The following PCDHGA7 variants were observed in gnomAD, a reference collection of about 807,000 sequenced individuals.
PCDHGA7 encodes protocadherin gamma-A7.
Under a neutral mutation model 58.3 loss-of-function variants are expected in PCDHGA7, and 44 were observed. The ratio of observed to expected loss-of-function variants is 0.75; its 90% CI spans 0.59 to 0.97. The LOEUF is 0.97. PCDHGA7 is among the 50% of genes least tolerant of loss of function. The probability of loss-of-function intolerance (pLI) is 0.00; values close to 1 mark genes in which losing one functional copy is unlikely to be tolerated. For missense variants in PCDHGA7, 1,266 were observed against 1,188.7 expected (o/e 1.06, Z -0.96); for synonymous variants, 516 against 504.2 (o/e 1.02, Z -0.31).
chr5:141,407,425 CTT>C (rs1307911949), intron 1 of PCDHGA7, among the ~76,000 whole-genome samples: 3 of 151,864 alleles, frequency 2.0e-5, no homozygotes, highest in African/African-American at 4.8e-5. Context: ...AAAAATGTCT[CTT>C]GCCCTTAAAA....
At chr5:141,433,298 A>G in intron 1 of PCDHGA7, 7 of 1,015,894 alleles carry the variant, frequency 6.9e-6, no homozygotes, top group Non-Finnish European at 1.0e-5. Context: ...GGCTCAAGCA[A>G]TTATCCCACC....
At chr5:141,410,636 T>G (rs1050547360) in intron 1 of PCDHGA7, 1 of 1,599,982 alleles carries the variant, frequency 6.3e-7, no homozygotes, top group Admixed American at 1.7e-5. Context: ...TTTCTCTTTT[T>G]TGTGTGTGAT....
chr5:141,382,943 T>G lies in PCDHGA7; in HGVS notation c.44T>G (p.Leu15Arg). ...PRGGDYRGFFLLSILLGTPWE... is the reference protein window; with the variant it reads ...PRGGDYRGFFRLSILLGTPWE... ...GGCGGGGACTACAGAGGATTCTTCC[T>G]GCTCTCCATCCTCCTGGGGACCCCC... The change falls in exon 1 of 4, where the codon CTG becomes CGG. Residue 15 changes from leucine to arginine, a missense_variant. Physicochemically the swap from Leu to Arg is moderately radical, Grantham distance 102. Coordinates refer to ENST00000518325, the MANE Select transcript of PCDHGA7 (RefSeq NM_018920.4). The G allele has an allele frequency of 1.3e-6, 2 of 1,596,184 alleles. No individual in the cohort carries two copies. Among genetic ancestry groups the G allele is most frequent in the African/African-American group, 1.3e-5 (1 of 74,558 alleles).
At chr5:141,460,459 T>A (rs2098989808) in intron 1 of PCDHGA7, among the ~76,000 whole-genome samples, 1 of 152,176 alleles carries the variant, frequency 6.6e-6, no homozygotes, top group South Asian at 2.1e-4. Flanking sequence ...ATTCATATTT[T>A]TTTCCAAAGG....
At chr5:141,400,681 T>C in intron 1 of PCDHGA7, 1 of 834,118 alleles carries the variant, frequency 1.2e-6, no homozygotes, top group Non-Finnish European at 1.9e-6. Flanking sequence ...CAGTAAATTG[T>C]GAGTTTTTAT....
At chr5:141,460,569 T>C (rs1234392082) in intron 1 of PCDHGA7, among the ~76,000 whole-genome samples, 2 of 152,100 alleles carry the variant, frequency 1.3e-5, no homozygotes, top group Admixed American at 1.3e-4. Context: ...GCCATGGACA[T>C]ATGTAGGTGT....
chr5:141,395,036 G>C, intron 1 of PCDHGA7: 2 of 1,614,110 alleles, frequency 1.2e-6, no homozygotes, highest in South Asian at 1.1e-5. Context: ...CACATTTTGT[G>C]GGTGTTGAGG....
Position 141,491,965 on chromosome 5 carries a change from G to A in PCDHGA7, c.2425-2842G>A. 1 of 946,810 alleles carries A rather than the reference G, an allele frequency of 1.1e-6. No individual in the cohort carries two copies. Among genetic ancestry groups the A allele is most frequent in the Non-Finnish European group, 1.5e-6 (1 of 672,398 alleles). 58.7% of individuals were successfully genotyped at this position (946,810 alleles called of 1,614,324 possible). On this transcript the variant is annotated intron_variant, in intron 1 of 3. Coordinates refer to ENST00000518325, the MANE Select transcript of PCDHGA7 (RefSeq NM_018920.4). The surrounding 1 kb of genome is among the most constrained non-coding windows in gnomAD (Gnocchi z 6.9). ...CCCACCCCTACACTCAAAAAAGGCC[G>A]GGGCCTCCTTCGAGCTTCCGGTGAA...
chr5:141,474,170 T>G (rs535586079), intron 1 of PCDHGA7, among the ~76,000 whole-genome samples: 1 of 152,346 alleles, frequency 6.6e-6, no homozygotes, highest in South Asian at 2.1e-4. Flanking sequence ...GCCTTATTAT[T>G]GAGAAAACTA....
At chr5:141,419,051 T>A (rs1007349455) in intron 1 of PCDHGA7, 6 of 1,613,950 alleles carry the variant, frequency 3.7e-6, no homozygotes, top group East Asian at 2.2e-5. Context: ...TCATTCTTCT[T>A]CTAATAATTA....
At chr5:141,400,174 G>T in intron 1 of PCDHGA7, 1 of 1,614,076 alleles carries the variant, frequency 6.2e-7, no homozygotes, top group Non-Finnish European at 8.5e-7. Context: ...CCCCCAGGCT[G>T]AGCTGCAGTT....
chr5:141,395,332 AT>A (rs2093216099), intron 1 of PCDHGA7: 2 of 1,450,272 alleles, frequency 1.4e-6, no homozygotes, highest in Non-Finnish European at 9.2e-7. Flanking sequence ...GTTGAAAATA[AT>A]TTTTAAGGTG....
At chr5:141,417,302 G>A (rs1267397415) in intron 1 of PCDHGA7, 1 of 152,270 alleles carries the variant, frequency 6.6e-6, no homozygotes, top group Non-Finnish European at 1.5e-5. Context: ...GCCTCTGGAT[G>A]GAGGAATTGG....
At chr5:141,421,844 A>C (rs1261967247) in intron 1 of PCDHGA7, 2 of 1,613,740 alleles carry the variant, frequency 1.2e-6, no homozygotes, top group East Asian at 4.5e-5. Context: ...CGAGAGAAAG[A>C]GGCTGCTCAC....
At position 141,384,374 on chromosome 5, in the gene PCDHGA7, C is replaced by T; in HGVS notation, c.1475C>T (p.Ala492Val). 3.1e-6 allele frequency: 5 copies of T among 1,613,920 alleles called. No individual in the cohort carries two copies. In the South Asian group the frequency reaches 5.5e-5, roughly 18 times the overall value. Reference protein sequence around the residue: ...EDNAQITYSLAEDTIQGAPVS... With the variant: ...EDNAQITYSLVEDTIQGAPVS... ...AATGCCCAGATCACTTATTCCTTGG[C>T]CGAAGACACCATCCAGGGGGCTCCA... is the stretch of plus-strand genomic sequence containing the variant. Residue 492 changes from alanine (A) to valine (V), a missense_variant, in exon 1 of 4, where the codon GCC (alanine) becomes GTC (valine). Physicochemically the swap from Ala to Val is moderately conservative, Grantham distance 64. Transcript: ENST00000518325.
At chr5:141,435,008 A>G (rs961813777) in intron 1 of PCDHGA7, among the ~76,000 whole-genome samples, 3 of 152,130 alleles carry the variant, frequency 2.0e-5, no homozygotes, top group African/African-American at 7.2e-5. Context: ...GAATTTATCA[A>G]TGATAATGCT....
rs1588966005 is a variant in PCDHGA7, at chr5:141,384,284, C to T, written c.1385C>T (p.Ala462Val). The change falls in exon 1 of 4, where the codon GCT becomes GTT. Residue 462 changes from alanine (A) to valine (V), a missense_variant. Transcript: ENST00000518325. ...FPHSSYSVYI[A>V]ENNPRGASIF... Reference sequence around the variant, plus strand: ...CACTCATCCTACTCAGTCTACATCGCTGAGAACAACCCCAGAGGGGCCTCC... The same window carrying T: ...CACTCATCCTACTCAGTCTACATCGTTGAGAACAACCCCAGAGGGGCCTCC... The T allele has an allele frequency of 6.2e-7, 1 of 1,613,854 alleles. No homozygotes were observed.
intron 1 of PCDHGA7, among the ~76,000 whole-genome samples, chr5:141,457,822 C>A (rs1477393535): frequency 6.6e-6 from 1 of 152,178 alleles, no homozygotes; most frequent in Non-Finnish European, 1.5e-5. Context: ...AAGATAAACT[C>A]AGAGCTTCCA....
intron 1 of PCDHGA7, among the ~76,000 whole-genome samples, chr5:141,456,640 TG>T (rs1258175023): frequency 6.6e-6 from 1 of 152,130 alleles, no homozygotes; most frequent in Non-Finnish European, 1.5e-5. Flanking sequence ...TTACTACAGG[TG>T]TTAATCCCAA....
Sources: allele counts gnomAD v4.1 joint callset (sites outside exome capture counted in the v4.1 genomes callset), GRCh38; gene constraint gnomAD v4.1.1; non-coding constraint Gnocchi (gnomAD v3.1); transcripts MANE v1.5; gene names NCBI Gene and HGNC (gene_info 2026-07-23, HGNC 2026-07-21).